Variants in CNTNAP2 observed in about 807,000 individuals in gnomAD.
CNTNAP2 encodes contactin-associated protein-like 2.
In CNTNAP2, 98 loss-of-function variants were observed where a neutral mutation model predicts 155.2. The observed-to-expected ratio is 0.63, with a 90% confidence interval of 0.54 to 0.75. The LOEUF is 0.75. CNTNAP2 is among the 30% of genes least tolerant of loss of function. CNTNAP2 has a pLI of 0.00. For missense variants in CNTNAP2, 1,727 were observed against 1,688.1 expected (o/e 1.02, Z -0.40); for synonymous variants, 651 against 631.2 (o/e 1.03, Z -0.47).
At chr7:147,998,478 G>A (rs1801846448) in intron 15 of CNTNAP2, among the ~76,000 whole-genome samples, 1 of 152,148 alleles carries the variant, frequency 6.6e-6, no homozygotes, top group Non-Finnish European at 1.5e-5. Flanking sequence ...AGGCGTGACC[G>A]ATGATTTTTG....
At chr7:146,170,984 G>T (rs1002155481) in intron 1 of CNTNAP2, among the ~76,000 whole-genome samples, 4 of 152,016 alleles carry the variant, frequency 2.6e-5, no homozygotes, top group Non-Finnish European at 2.9e-5. Flanking sequence ...CCGAGATTGC[G>T]CCATTGCACA....
chr7:147,900,906 C>T (rs1262645077), intron 13 of CNTNAP2, among the ~76,000 whole-genome samples: 1 of 152,158 alleles, frequency 6.6e-6, no homozygotes, highest in Admixed American at 6.5e-5. Flanking sequence ...TCAGAAAATC[C>T]TCCTGAGAAC....
intron 15 of CNTNAP2, among the ~76,000 whole-genome samples, chr7:147,987,411 G>A (rs1305884743): frequency 1.3e-5 from 2 of 152,216 alleles, no homozygotes; most frequent in African/African-American, 4.8e-5. Context: ...GTGTGCGTGT[G>A]ACTGATTTTC....
intron 1 of CNTNAP2, among the ~76,000 whole-genome samples, chr7:146,432,305 T>C (rs1357830287): frequency 6.6e-6 from 1 of 152,152 alleles, no homozygotes; most frequent in Non-Finnish European, 1.5e-5. Context: ...CTATGTATTA[T>C]TATCTTGAGT....
At chr7:147,075,727 A>C (rs10237572) in intron 4 of CNTNAP2, among the ~76,000 whole-genome samples, 28,354 of 151,890 alleles carry the variant, frequency 0.19, 3,007 homozygotes, top group East Asian at 0.4. Context: ...GGTGTGCTAC[A>C]CCCATTAACT....
In CNTNAP2 at chr7:148,118,172, C is replaced by T. The variant is rs1316364431; in HGVS notation, c.2438C>T (p.Ser813Phe). ...AACCCATCCTCCTACCTGCACTTCT[C>T]TACTTTCCAAGGGGAAACTAGCGCT... is the stretch of plus-strand genomic sequence containing the variant. ...FPNPSSYLHF[S>F]TFQGETSADI... The change falls in exon 16 of 24, where the codon TCT becomes TTT. Residue 813 changes from serine to phenylalanine, a missense_variant. Coordinates refer to ENST00000361727, the MANE Select transcript of CNTNAP2 (RefSeq NM_014141.6). 1.2e-6 allele frequency: 2 copies of T among 1,614,212 alleles called. No homozygotes were observed. The highest frequency in any genetic ancestry group is 3.3e-5 in the Admixed American group (2 of 60,032).
At chr7:146,853,776 A>T (rs1257811808) in intron 3 of CNTNAP2, among the ~76,000 whole-genome samples, 1 of 152,174 alleles carries the variant, frequency 6.6e-6, no homozygotes, top group Admixed American at 6.5e-5. Flanking sequence ...GGGTCTCATC[A>T]GCTAGGAAAG....
chr7:148,095,968 T>C (rs995587016), intron 15 of CNTNAP2, among the ~76,000 whole-genome samples: 14 of 152,218 alleles, frequency 9.2e-5, no homozygotes, highest in Non-Finnish European at 1.6e-4. Flanking sequence ...TGTTTAAAGT[T>C]TAATATTAAA....
At chr7:147,728,431 A>T (rs375984670) in intron 13 of CNTNAP2, among the ~76,000 whole-genome samples, 23 of 152,038 alleles carry the variant, frequency 1.5e-4, no homozygotes, top group African/African-American at 4.6e-4. Flanking sequence ...GAAGAGAAAA[A>T]CTGAAACCTA....
At chr7:146,703,993 G>A (rs344455) in intron 1 of CNTNAP2, among the ~76,000 whole-genome samples, 5,346 of 151,936 alleles carry the variant, frequency 0.035, 113 homozygotes, top group Middle Eastern at 0.055. Context: ...ATTTTAAGTG[G>A]GAGACTTTTA....
chr7:147,586,444 G>A (rs1342989351), intron 12 of CNTNAP2, among the ~76,000 whole-genome samples: 2 of 151,368 alleles, frequency 1.3e-5, no homozygotes, highest in South Asian at 2.1e-4. Context: ...GCCAAGAGGT[G>A]GGGTCCATTC....
chr7:146,296,823 A>C (rs563050246), intron 1 of CNTNAP2, among the ~76,000 whole-genome samples: 1 of 152,160 alleles, frequency 6.6e-6, no homozygotes, highest in African/African-American at 2.4e-5. Context: ...GCACATTTTA[A>C]GTTGCATAAA....
At chr7:146,850,097 C>T (rs547830126) in intron 3 of CNTNAP2, among the ~76,000 whole-genome samples, 1 of 152,234 alleles carries the variant, frequency 6.6e-6, no homozygotes, top group East Asian at 1.9e-4. Context: ...AGTTAAATAG[C>T]TTAATTATAG....
chr7:147,454,163 ACT>A (rs1372567528), intron 10 of CNTNAP2, among the ~76,000 whole-genome samples: 1 of 152,030 alleles, frequency 6.6e-6, no homozygotes. Flanking sequence ...GTAAGCACTG[ACT>A]CTCTGTTTAA....
intron 1 of CNTNAP2, among the ~76,000 whole-genome samples, chr7:146,749,229 A>G (rs1801862598): frequency 1.3e-5 from 2 of 152,142 alleles, no homozygotes; most frequent in Non-Finnish European, 1.5e-5. Flanking sequence ...ATGTATATGT[A>G]TATATTTGTA....
intron 8 of CNTNAP2, among the ~76,000 whole-genome samples, chr7:147,274,568 C>T (rs910380374): frequency 1.3e-5 from 2 of 151,908 alleles, no homozygotes; most frequent in Admixed American, 6.6e-5. Context: ...AGATTCTGGA[C>T]GTTAGTCCTT....
intron 14 of CNTNAP2, among the ~76,000 whole-genome samples, chr7:147,905,205 C>G (rs546387837): frequency 3.2e-4 from 49 of 152,260 alleles, no homozygotes; most frequent in Middle Eastern, 3.4e-3. Flanking sequence ...AGACCTTCTC[C>G]CATCCATTTG....
chr7:147,715,169 T>C (rs1796463857), intron 13 of CNTNAP2, among the ~76,000 whole-genome samples: 1 of 152,134 alleles, frequency 6.6e-6, no homozygotes, highest in Non-Finnish European at 1.5e-5. Context: ...AAATTAAGTC[T>C]TCCTTTATCT....
At chr7:146,834,581 A>G (rs1803580316) in intron 2 of CNTNAP2, among the ~76,000 whole-genome samples, 1 of 152,184 alleles carries the variant, frequency 6.6e-6, no homozygotes, top group Non-Finnish European at 1.5e-5. Context: ...CAGCATTCTT[A>G]TTGTTTCGAG....
Sources: gnomAD v4.1 joint callset for allele counts (sites outside exome capture counted in the v4.1 genomes callset) on GRCh38, gnomAD v4.1.1 for gene constraint, MANE v1.5 for transcripts, NCBI Gene and HGNC (gene_info 2026-07-23, HGNC 2026-07-21) for gene names.